The following SPATA9 variants were observed in gnomAD, a reference collection of about 807,000 sequenced individuals.
SPATA9 encodes the protein spermatogenesis-associated protein 9.
Under a neutral mutation model 25.5 loss-of-function variants are expected in SPATA9, and 27 were observed. The ratio of observed to expected loss-of-function variants is 1.06; its 90% CI spans 0.78 to 1.46. The LOEUF is 1.46. Among genes scored for constraint, SPATA9 ranks in the 40% most tolerant of loss-of-function variants. The pLI, the probability that SPATA9 is intolerant of heterozygous loss-of-function variation, is 0.00. For synonymous variants in SPATA9, 102 were observed against 105.7 expected (o/e 0.97, Z 0.21); for missense variants, 282 against 297.5 (o/e 0.95, Z 0.38).
the SPATA9 span, chr5:95,732,028 T>C: frequency 6.2e-7 from 1 of 1,614,110 alleles, no homozygotes; most frequent in Non-Finnish European, 8.5e-7. Flanking sequence ...GTTCACCGAG[T>C]ATCAGGCCAG....
chr5:95,702,720 A>G (rs984667920), upstream of SPATA9, among the ~76,000 whole-genome samples: 1 of 152,102 alleles, frequency 6.6e-6, no homozygotes, highest in Non-Finnish European at 1.5e-5. Context: ...TACAAAAAAA[A>G]AGTTTTATAA....
At chr5:95,684,190 A>G (rs532175220), upstream of SPATA9, among the ~76,000 whole-genome samples, 34 of 152,318 alleles carry the variant, frequency 2.2e-4, no homozygotes, top group South Asian at 5.2e-3. Flanking sequence ...TGGAAAGTGC[A>G]ATCCATCGGT....
intron 3 of SPATA9, among the ~76,000 whole-genome samples, chr5:95,665,423 CA>C (rs1479790458): frequency 2.0e-5 from 3 of 152,070 alleles, no homozygotes; most frequent in Non-Finnish European, 4.4e-5. Context: ...TTCTATGTAC[CA>C]ACTTTTTGTT....
rs532778903 is a variant in SPATA9 at position 95,679,305 on chromosome 5, A to T, written c.150+3223T>A. ...CTACTGTGCTGGCCTGAGCTATTTG[A>T]CATTGACCAGGCATGTACATCTGCC... is the stretch of plus-strand genomic sequence containing the variant. On this transcript the variant is annotated intron_variant, in intron 2 of 4. Transcript: ENST00000274432. 2.0e-5 allele frequency among the ~76,000 whole-genome samples: 3 copies of T among 152,302 alleles called. No individual in the cohort carries two copies. In the East Asian group the frequency reaches 5.8e-4, roughly 29 times the overall value.
At chr5:95,731,028 C>G in the SPATA9 span, 10 of 923,422 alleles carry the variant, frequency 1.1e-5, no homozygotes, top group Middle Eastern at 3.1e-4. Flanking sequence ...CGCCCCACCC[C>G]CCTTTCCTGG....
chr5:95,699,173 T>G (rs1754117074), upstream of SPATA9, among the ~76,000 whole-genome samples: 1 of 152,236 alleles, frequency 6.6e-6, no homozygotes, highest in Non-Finnish European at 1.5e-5. Context: ...AGGAGAATGG[T>G]GTTTCATAAT....
chr5:95,714,284 G>C, the SPATA9 span, among the ~76,000 whole-genome samples: 1 of 152,134 alleles, frequency 6.6e-6, no homozygotes, highest in African/African-American at 2.4e-5. Context: ...ATCAATGTAG[G>C]AGCAATCACT....
the SPATA9 span, among the ~76,000 whole-genome samples, chr5:95,717,248 T>C: frequency 1.5e-4 from 23 of 152,170 alleles, no homozygotes; most frequent in African/African-American, 5.6e-4. Flanking sequence ...CAGACTGCCT[T>C]TGAACTCAAA....
downstream of SPATA9, among the ~76,000 whole-genome samples, chr5:95,653,460 C>G (rs1309023752): frequency 1.3e-5 from 2 of 152,224 alleles, no homozygotes; most frequent in Admixed American, 6.5e-5. Context: ...AAACTTAAAT[C>G]TCTATGTTTT....
chr5:95,713,168 T>G, the SPATA9 span, among the ~76,000 whole-genome samples: 1 of 152,150 alleles, frequency 6.6e-6, no homozygotes, highest in Non-Finnish European at 1.5e-5. Context: ...TCCCAGACCT[T>G]TTTTTAGACT....
At chr5:95,661,850 A>G (rs1347700437) in intron 4 of SPATA9, among the ~76,000 whole-genome samples, 1 of 152,070 alleles carries the variant, frequency 6.6e-6, no homozygotes, top group African/African-American at 2.4e-5. Context: ...ACACACATGC[A>G]CACACCTGCT....
At chr5:95,715,198 C>G in the SPATA9 span, among the ~76,000 whole-genome samples, 1 of 151,918 alleles carries the variant, frequency 6.6e-6, no homozygotes, top group Non-Finnish European at 1.5e-5. Flanking sequence ...GTGGTGCATG[C>G]CTGTAGTCCC....
chr5:95,664,122 T>C (rs1751536976), intron 3 of SPATA9, 74 bp from the exon 4 acceptor site: 4 of 795,484 alleles, frequency 5.0e-6, no homozygotes, highest in Non-Finnish European at 7.5e-6. Context: ...ACAATGTTAC[T>C]GTAAAATGAG....
upstream of SPATA9, among the ~76,000 whole-genome samples, chr5:95,686,065 C>G (rs559313855): frequency 2.0e-3 from 311 of 152,242 alleles, no homozygotes; most frequent in African/African-American, 6.8e-3. Context: ...AACTCCTGAT[C>G]TCTCTCAGGT....
intron 3 of SPATA9, among the ~76,000 whole-genome samples, chr5:95,664,911 G>A (rs981475233): frequency 6.6e-6 from 1 of 152,070 alleles, no homozygotes. Context: ...GTTCATTAAA[G>A]AGTTATAACA....
chr5:95,706,644 A>T, the SPATA9 span, among the ~76,000 whole-genome samples: 9 of 152,250 alleles, frequency 5.9e-5, no homozygotes, highest in South Asian at 1.9e-3. Flanking sequence ...AGACAGGTAA[A>T]TTAAGTTGTT....
chr5:95,706,099 T>C, the SPATA9 span, among the ~76,000 whole-genome samples: 1 of 152,148 alleles, frequency 6.6e-6, no homozygotes, highest in Non-Finnish European at 1.5e-5. Context: ...AGACCTTTTT[T>C]TAGACTGGTT....
chr5:95,658,753 G>A lies in SPATA9; in HGVS notation c.635C>T (p.Pro212Leu). ...MFAEGEIKAK[P>L]YRSLPEKPDI... Reference sequence around the variant, plus strand: ...TGGCTTCTCCGGCAATGACCTATAAGGTTTTGCTTTGATTTCACCTTCAGC... The same window carrying A: ...TGGCTTCTCCGGCAATGACCTATAAAGTTTTGCTTTGATTTCACCTTCAGC... Residue 212 changes from proline to leucine, a missense_variant, in exon 5 of 5, where the codon CCT becomes CTT. Pro to Leu is a moderately conservative substitution (Grantham distance 98). Transcript: ENST00000274432. The A allele has an allele frequency of 1.2e-6, 2 of 1,613,794 alleles. No homozygotes were observed. Among genetic ancestry groups the A allele is most frequent in the Non-Finnish European group, 1.7e-6 (2 of 1,179,902 alleles).
chr5:95,652,968 C>T (rs1044720278), downstream of SPATA9: 2 of 1,078,000 alleles, frequency 1.9e-6, no homozygotes, highest in East Asian at 2.6e-5. Flanking sequence ...CAGTGGCTTT[C>T]CTTTGCTCTT....
Sources: gnomAD v4.1 joint callset for allele counts (sites outside exome capture counted in the v4.1 genomes callset) on GRCh38, gnomAD v4.1.1 for gene constraint, MANE v1.5 for transcripts, NCBI Gene and HGNC (gene_info 2026-07-23, HGNC 2026-07-21) for gene names.